Variants in MSI2 observed in about 807,000 individuals in gnomAD.
MSI2 encodes the protein musashi RNA binding protein 2.
Under a neutral mutation model 45.6 loss-of-function variants are expected in MSI2, and 17 were observed. That is an observed-to-expected ratio of 0.37 (90% CI 0.26 to 0.56). The LOEUF is 0.56. Ranked by LOEUF, MSI2 falls within the 20% of genes least tolerant of loss-of-function variation. The pLI is 0.77. For missense variants in MSI2, 293 were observed against 444.2 expected, an observed-to-expected ratio of 0.66 and a Z score of 3.06; for synonymous variants, 156 against 158.2, an observed-to-expected ratio of 0.99 and a Z score of 0.11.
At chr17:57,488,954 C>T (rs937423929) in intron 6 of MSI2, among the ~76,000 whole-genome samples, 6 of 152,152 alleles carry the variant, frequency 3.9e-5, no homozygotes, top group African/African-American at 1.4e-4. Context: ...ATGAGTGTCT[C>T]TCGGTTGGAG....
chr17:57,635,364 G>C (rs1264100625), intron 10 of MSI2, among the ~76,000 whole-genome samples: 1 of 152,278 alleles, frequency 6.6e-6, no homozygotes, highest in Non-Finnish European at 1.5e-5. Context: ...CCATGAGGGT[G>C]AGTCTGGAGG....
chr17:57,630,473 A>T (rs546722591), intron 10 of MSI2: 10 of 152,172 alleles, frequency 6.6e-5, no homozygotes, highest in Admixed American at 1.3e-4. Flanking sequence ...AGGGGCCACC[A>T]GTGGCCACAA....
At chr17:57,262,113 T>A (rs34687737) in intron 4 of MSI2, 38 bp from the exon 5 acceptor site, 234 of 1,610,358 alleles carry the variant, frequency 1.5e-4, no homozygotes, top group Non-Finnish European at 1.9e-4. Context: ...TTCCTTAAAG[T>A]ACTTTATTGA....
chr17:57,282,785 C>G (rs1042267513), intron 5 of MSI2, among the ~76,000 whole-genome samples: 5 of 111,790 alleles, frequency 4.5e-5, no homozygotes, highest in African/African-American at 1.7e-4. Context: ...TTCACTTTCT[C>G]TAAAGCGTTT....
rs1911211820 is a variant in MSI2, at chr17:57,652,233, G to A, written c.790+72G>A. 8.5e-6 allele frequency: 12 copies of A among 1,403,958 alleles called. No individual in the cohort carries two copies. Among genetic ancestry groups the A allele is most frequent in the South Asian group, 2.3e-5 (2 of 86,288 alleles). 87.0% of individuals were successfully genotyped at this position (1,403,958 alleles called of 1,614,324 possible). A position where few individuals can be genotyped will look rare whatever the true frequency, so the allele number is the denominator to read the frequency against. On this transcript the variant is annotated intron_variant, in intron 11 of 13. Coordinates refer to ENST00000284073, the MANE Select transcript of MSI2 (RefSeq NM_138962.4). The surrounding 1 kb of genome is among the most constrained non-coding windows in gnomAD (Gnocchi z 4.1). ...TGCAGGGGGAGGTCAAGGCCCTGTCGGATCTGTGTGGCTGCATCTGTCCAA... is the reference window on the plus strand; with the variant it reads ...TGCAGGGGGAGGTCAAGGCCCTGTCAGATCTGTGTGGCTGCATCTGTCCAA...
At chr17:57,378,497 A>G (rs2083541470) in intron 5 of MSI2, among the ~76,000 whole-genome samples, 1 of 151,966 alleles carries the variant, frequency 6.6e-6, no homozygotes, top group African/African-American at 2.4e-5. Context: ...CTCCTGACCT[A>G]GTGATCTGCC....
intron 7 of MSI2, among the ~76,000 whole-genome samples, chr17:57,567,243 A>G (rs914222046): frequency 2.0e-5 from 3 of 152,164 alleles, no homozygotes; most frequent in Admixed American, 6.5e-5. Flanking sequence ...CTCCTTTTGT[A>G]TCTCGTGATT....
intron 6 of MSI2, among the ~76,000 whole-genome samples, chr17:57,410,059 A>T (rs1325688322): frequency 6.7e-6 from 1 of 148,646 alleles, no homozygotes; most frequent in Admixed American, 6.8e-5. Context: ...CCACAGGCCA[A>T]CTTAATATTA....
intron 5 of MSI2, among the ~76,000 whole-genome samples, chr17:57,376,875 A>T (rs545292474): frequency 5.4e-5 from 7 of 130,806 alleles, no homozygotes; most frequent in African/African-American, 1.9e-4. Flanking sequence ...GACCCAGGAA[A>T]GGGGAAGAAC....
chr17:57,300,642 C>T lies in MSI2; in HGVS notation c.312+38450C>T, dbSNP rs184604110. 3.7e-4 allele frequency among the ~76,000 whole-genome samples: 56 copies of T among 152,174 alleles called. 1 individual carries two copies. In the East Asian group the frequency reaches 6.9e-3, roughly 19 times the overall value. On this transcript the variant is annotated intron_variant, in intron 5 of 13. Coordinates refer to ENST00000284073, the MANE Select transcript of MSI2 (RefSeq NM_138962.4). ...TTCATGCTGCTGATAAAGACATACCCGAGACTCGGTAAGTTATAAAGAAAA... is the reference window on the plus strand; with the variant it reads ...TTCATGCTGCTGATAAAGACATACCTGAGACTCGGTAAGTTATAAAGAAAA...
chr17:57,657,506 G>T (rs78584912), intron 11 of MSI2, among the ~76,000 whole-genome samples: 1 of 152,210 alleles, frequency 6.6e-6, no homozygotes, highest in Non-Finnish European at 1.5e-5. Context: ...AAATGGCTTT[G>T]CTGCCCTGTG....
intron 7 of MSI2, among the ~76,000 whole-genome samples, chr17:57,539,025 T>C (rs896318888): frequency 2.0e-5 from 3 of 152,216 alleles, no homozygotes; most frequent in African/African-American, 7.2e-5. Flanking sequence ...CACTCAAATA[T>C]GTTTTATGCA....
rs980477524 is a variant in MSI2, at chr17:57,552,125, C to G, written c.454+22401C>G. On this transcript the variant is annotated intron_variant, in intron 7 of 13. Transcript: ENST00000284073. The surrounding 1 kb of genome is among the most constrained non-coding windows in gnomAD (Gnocchi z 4.3). ...TCAGCAGGTCTCTCCTGCTGCTGCCCCAGGACTGGCCACACACCAGGGCTC... is the reference window on the plus strand; with the variant it reads ...TCAGCAGGTCTCTCCTGCTGCTGCCGCAGGACTGGCCACACACCAGGGCTC... Among the ~76,000 whole-genome samples the G allele has an allele frequency of 1.3e-5, 2 of 152,192 alleles. No individual in the cohort carries two copies. The highest frequency in any genetic ancestry group is 6.5e-5 in the Admixed American group (1 of 15,282).
chr17:57,531,107 G>A (rs760990612), intron 7 of MSI2, among the ~76,000 whole-genome samples: 7 of 152,090 alleles, frequency 4.6e-5, no homozygotes, highest in Admixed American at 3.9e-4. Context: ...GCCCGTGGTG[G>A]GCAATTGAGG....
upstream of MSI2, among the ~76,000 whole-genome samples, chr17:57,256,348 C>T (rs1044821452): frequency 3.3e-5 from 5 of 150,830 alleles, no homozygotes; most frequent in Admixed American, 2.0e-4. Context: ...AGTGTGCGCG[C>T]GCGGGCAGGC....
At chr17:57,272,883 AAC>A (rs1908500515) in intron 5 of MSI2, among the ~76,000 whole-genome samples, 1 of 152,190 alleles carries the variant, frequency 6.6e-6, no homozygotes, top group African/African-American at 2.4e-5. Context: ...AGTGGGTGGA[AAC>A]ACAGTGTGTA....
intron 6 of MSI2, among the ~76,000 whole-genome samples, chr17:57,501,128 C>A (rs34623798): frequency 0.053 from 8,102 of 152,240 alleles, 357 homozygotes; most frequent in South Asian, 0.22. Context: ...GTAACTTGTT[C>A]TGTCGCTCAC....
chr17:57,391,630 CTGGG>C (rs1393549465), intron 5 of MSI2, among the ~76,000 whole-genome samples: 1 of 152,154 alleles, frequency 6.6e-6, no homozygotes, highest in East Asian at 1.9e-4. Flanking sequence ...GAATTCCACC[CTGGG>C]TGGGCAACTC....
chr17:57,633,643 C>T (rs1158057220), intron 10 of MSI2, among the ~76,000 whole-genome samples: 3 of 152,154 alleles, frequency 2.0e-5, no homozygotes, highest in Non-Finnish European at 2.9e-5. Context: ...GATATGAAGC[C>T]GGAGGACCTG....
Sources: gnomAD v4.1 joint callset for allele counts (sites outside exome capture counted in the v4.1 genomes callset) on GRCh38, gnomAD v4.1.1 for gene constraint, Gnocchi (gnomAD v3.1) non-coding constraint, MANE v1.5 for transcripts, NCBI Gene and HGNC (gene_info 2026-07-23, HGNC 2026-07-21) for gene names.